Variants in CLEC16A observed in about 807,000 individuals in gnomAD.
The protein encoded by CLEC16A is C-type lectin domain containing 16A.
A neutral mutation model predicts 109.5 loss-of-function variants in CLEC16A; 51 were observed. The ratio of observed to expected loss-of-function variants is 0.47; its 90% CI spans 0.37 to 0.59. The LOEUF (loss-of-function observed/expected upper bound fraction) is 0.59. Among genes scored for constraint, CLEC16A ranks in the 20% least tolerant of loss-of-function variants. The probability of loss-of-function intolerance (pLI) is 0.00; values close to 1 mark genes in which losing one functional copy is unlikely to be tolerated. For synonymous variants in CLEC16A, 673 were observed against 564.2 expected (o/e 1.19, Z -2.73); for missense variants, 1,339 against 1,394.0 (o/e 0.96, Z 0.63).
chr16:11,086,951 A>G (rs1323157730), intron 19 of CLEC16A, among the ~76,000 whole-genome samples: 1 of 152,102 alleles, frequency 6.6e-6, no homozygotes, highest in African/African-American at 2.4e-5. Context: ...CTCCAGCACC[A>G]CCTGAGATGT....
chr16:11,161,710 G>C (rs945344127), intron 22 of CLEC16A, among the ~76,000 whole-genome samples: 1 of 152,210 alleles, frequency 6.6e-6, no homozygotes, highest in African/African-American at 2.4e-5. Flanking sequence ...ACCCAGCTCT[G>C]CTCATCTCTC....
intron 22 of CLEC16A, among the ~76,000 whole-genome samples, chr16:11,156,295 G>A (rs1351969896): frequency 3.3e-5 from 5 of 151,830 alleles, no homozygotes; most frequent in South Asian, 2.1e-4. Context: ...ACTTGAATGC[G>A]GGAGGCAGAG....
At chr16:11,131,902 A>G (rs1280310507) in intron 22 of CLEC16A, among the ~76,000 whole-genome samples, 1 of 152,146 alleles carries the variant, frequency 6.6e-6, no homozygotes, top group Admixed American at 6.5e-5. Flanking sequence ...ACCAGGGCCA[A>G]GTGCGTCCCA....
chr16:10,993,869 C>T (rs1305827551), intron 10 of CLEC16A, among the ~76,000 whole-genome samples: 1 of 152,184 alleles, frequency 6.6e-6, no homozygotes, highest in African/African-American at 2.4e-5. Flanking sequence ...CAGTGCCAGA[C>T]ATGCTGCTTG....
rs150401533 is a variant in CLEC16A, at chr16:11,037,312, T to G, written c.1538-2442T>G. Among the ~76,000 whole-genome samples the G allele has an allele frequency of 4.6e-3, 693 of 152,276 alleles. 4 individuals are homozygous for G. Among genetic ancestry groups the G allele is most frequent in the Middle Eastern group, 0.031 (9 of 292 alleles). On this transcript the variant is annotated intron_variant, in intron 13 of 23. Transcript: ENST00000409790. Reference sequence around the variant, plus strand: ...ACCCACCTTCGGGATCACCTGAAAGTGGTTTGAGCTGTGTCTCTGACTTGC... The same window carrying G: ...ACCCACCTTCGGGATCACCTGAAAGGGGTTTGAGCTGTGTCTCTGACTTGC...
At chr16:11,076,766 G>A (rs548956416) in intron 19 of CLEC16A, among the ~76,000 whole-genome samples, 1 of 152,308 alleles carries the variant, frequency 6.6e-6, no homozygotes, top group Non-Finnish European at 1.5e-5. Context: ...AGCCCAGGAA[G>A]CTGGCCTGCC....
At chr16:11,054,138 T>C (rs1288915135) in intron 18 of CLEC16A, among the ~76,000 whole-genome samples, 4 of 152,232 alleles carry the variant, frequency 2.6e-5, no homozygotes, top group Admixed American at 6.5e-5. Flanking sequence ...CACGGGAGCC[T>C]TGGAGCCCCT....
chr16:11,039,586 A>G (rs1028316758), intron 13 of CLEC16A, among the ~76,000 whole-genome samples, 168 bp from the exon 14 acceptor site: 4 of 152,060 alleles, frequency 2.6e-5, no homozygotes, highest in African/African-American at 9.7e-5. Context: ...ACATGACAAA[A>G]TCCTGTCTCT....
At chr16:11,010,019 G>A (rs906153691) in intron 11 of CLEC16A, among the ~76,000 whole-genome samples, 5 of 152,072 alleles carry the variant, frequency 3.3e-5, no homozygotes, top group African/African-American at 7.2e-5. Flanking sequence ...CAGTCACAGC[G>A]GTGTGTGCCT....
chr16:11,152,301 C>T (rs1002098719), intron 22 of CLEC16A, among the ~76,000 whole-genome samples: 1 of 152,242 alleles, frequency 6.6e-6, no homozygotes, highest in Non-Finnish European at 1.5e-5. Flanking sequence ...ATGCTGCTAG[C>T]ACACCCACAA....
chr16:11,002,977 A>T, intron 10 of CLEC16A, 97 bp from the exon 11 acceptor site: 1 of 884,176 alleles, frequency 1.1e-6, no homozygotes, highest in Non-Finnish European at 1.7e-6. Flanking sequence ...TCTTTTGGAG[A>T]TGAGTTTCTT....
At chr16:10,978,525 G>A (rs1229714200) in intron 8 of CLEC16A, among the ~76,000 whole-genome samples, 1 of 152,214 alleles carries the variant, frequency 6.6e-6, no homozygotes, top group African/African-American at 2.4e-5. Flanking sequence ...GCCTGCCTCG[G>A]CCTCCCAAAG....
intron 19 of CLEC16A, among the ~76,000 whole-genome samples, chr16:11,110,245 C>A (rs1035320619): frequency 6.6e-6 from 1 of 152,202 alleles, no homozygotes; most frequent in Non-Finnish European, 1.5e-5. Context: ...CAGACCCCCT[C>A]CAGAGGGTAC....
At chr16:11,062,098 C>A (rs767104340) in intron 19 of CLEC16A, among the ~76,000 whole-genome samples, 1 of 151,966 alleles carries the variant, frequency 6.6e-6, no homozygotes, top group Non-Finnish European at 1.5e-5. Flanking sequence ...GAATGTGACT[C>A]ACTGATTGTC....
intron 6 of CLEC16A, 42 bp downstream of exon 6, chr16:10,972,601 C>G (rs2042846589): frequency 6.4e-6 from 10 of 1,556,810 alleles, no homozygotes; most frequent in Non-Finnish European, 8.0e-6. Context: ...TTAATCTACC[C>G]TTATATGTAA....
rs1425110270 is a variant in CLEC16A at position 11,075,404 on chromosome 16, GTGTGTGTC to G, written c.2116+14390_2116+14397del. On this transcript the variant is annotated intron_variant, in intron 19 of 23. Transcript: ENST00000409790. ...TGTGTGTGTGTGTGTGTGTGTGTGT[GTGTGTGTC>G]TGTGTGTGTGTGTGTATGTGTGTGT... Among the ~76,000 whole-genome samples the G allele has an allele frequency of 4.8e-4, 59 of 123,376 alleles. 1 individual carries two copies. Among genetic ancestry groups the G allele is most frequent in the Admixed American group, 1.2e-3 (16 of 12,828 alleles). 80.9% of individuals were successfully genotyped at this position (123,376 alleles called of 152,430 possible).
At chr16:11,027,854 A>C (rs959464445) in intron 13 of CLEC16A, 4 of 670,658 alleles carry the variant, frequency 6.0e-6, no homozygotes, top group Non-Finnish European at 1.1e-5. Context: ...GTGTCTTCAG[A>C]GAAGATTATT....
intron 22 of CLEC16A, among the ~76,000 whole-genome samples, chr16:11,153,988 A>C (rs1279032601): frequency 6.6e-6 from 1 of 152,156 alleles, no homozygotes; most frequent in Non-Finnish European, 1.5e-5. Context: ...ATAAGTGCCA[A>C]CCTTATTTCT....
chr16:11,061,730 A>C (rs1287189460), intron 19 of CLEC16A, among the ~76,000 whole-genome samples: 3 of 152,200 alleles, frequency 2.0e-5, no homozygotes, highest in Non-Finnish European at 4.4e-5. Flanking sequence ...GTTATAAGAG[A>C]CAGAAAACTC....
Sources: allele counts gnomAD v4.1 joint callset (sites outside exome capture counted in the v4.1 genomes callset), GRCh38; gene constraint gnomAD v4.1.1; transcripts MANE v1.5; gene names NCBI Gene and HGNC (gene_info 2026-07-23, HGNC 2026-07-21).